The following BNC2 variants were observed in gnomAD, a reference collection of about 807,000 sequenced individuals.
BNC2 encodes the protein zinc finger protein basonuclin-2.
BNC2 carries 20 observed loss-of-function variants against 76.3 expected under a neutral mutation model. The ratio of observed to expected loss-of-function variants is 0.26; its 90% CI spans 0.18 to 0.38. The LOEUF (loss-of-function observed/expected upper bound fraction) is 0.38. BNC2 is among the 10% of genes least tolerant of loss of function. The probability of loss-of-function intolerance (pLI) is 1.00; values close to 1 mark genes in which losing one functional copy is unlikely to be tolerated. For missense variants in BNC2, 1,382 were observed against 1,399.8 expected (o/e 0.99, Z 0.20); for synonymous variants, 582 against 514.8 (o/e 1.13, Z -1.77).
intron 1 of BNC2, among the ~76,000 whole-genome samples, chr9:16,768,760 G>A (rs753309474): frequency 2.0e-5 from 3 of 152,088 alleles, no homozygotes; most frequent in Non-Finnish European, 4.4e-5. Flanking sequence ...ATAAACAAAT[G>A]CAAAATTAGG....
intron 1 of BNC2, among the ~76,000 whole-genome samples, chr9:16,778,178 A>G (rs1294515029): frequency 6.6e-6 from 1 of 152,142 alleles, no homozygotes; most frequent in East Asian, 1.9e-4. Flanking sequence ...GAAACTGTAA[A>G]GATACATACA....
chr9:16,776,221 A>G (rs1825964341), intron 1 of BNC2, among the ~76,000 whole-genome samples: 1 of 152,042 alleles, frequency 6.6e-6, no homozygotes, highest in Admixed American at 6.6e-5. Flanking sequence ...GCTCACTGCA[A>G]CCTTCGCCTC....
chr9:16,480,083 C>G (rs1296105146), intron 5 of BNC2, among the ~76,000 whole-genome samples: 1 of 152,202 alleles, frequency 6.6e-6, no homozygotes, highest in Non-Finnish European at 1.5e-5. Flanking sequence ...CAGGTAACAT[C>G]ATTCGATACA....
At chr9:16,755,688 G>A (rs965496764) in intron 1 of BNC2, among the ~76,000 whole-genome samples, 7 of 152,066 alleles carry the variant, frequency 4.6e-5, no homozygotes, top group Admixed American at 3.3e-4. Context: ...CATTTCCGGG[G>A]CAGTGTCTAA....
chr9:16,538,156 A>G (rs926396568), intron 5 of BNC2, among the ~76,000 whole-genome samples: 1 of 152,228 alleles, frequency 6.6e-6, no homozygotes, highest in African/African-American at 2.4e-5. Flanking sequence ...AAGACAAAGC[A>G]GATGGTACTG....
intron 1 of BNC2, among the ~76,000 whole-genome samples, chr9:16,769,102 T>C (rs1319549304): frequency 6.6e-6 from 1 of 152,204 alleles, no homozygotes; most frequent in African/African-American, 2.4e-5. Flanking sequence ...AATAGGACCC[T>C]GGAAAAGCAT....
intron 3 of BNC2, among the ~76,000 whole-genome samples, chr9:16,634,714 G>A (rs1404708252): frequency 6.6e-6 from 1 of 151,892 alleles, no homozygotes. Context: ...TGTTAGCCAG[G>A]ATGGTCTCGA....
intron 5 of BNC2, among the ~76,000 whole-genome samples, chr9:16,505,941 G>T (rs1376251476): frequency 6.6e-6 from 1 of 152,106 alleles, no homozygotes; most frequent in Non-Finnish European, 1.5e-5. Context: ...AAAAATTCTG[G>T]AGTACAGCAA....
intron 5 of BNC2, among the ~76,000 whole-genome samples, chr9:16,455,215 T>G (rs945995241): frequency 4.6e-5 from 7 of 152,188 alleles, no homozygotes; most frequent in Non-Finnish European, 1.0e-4. Flanking sequence ...AATATGTAGT[T>G]GAGTCCTGGC....
At chr9:16,656,087 T>C (rs903056059) in intron 3 of BNC2, among the ~76,000 whole-genome samples, 3 of 152,216 alleles carry the variant, frequency 2.0e-5, no homozygotes, top group Non-Finnish European at 2.9e-5. Context: ...GGAGGACAGT[T>C]ACTGGTAGCT....
chr9:16,742,383 C>A (rs369099904), intron 1 of BNC2, among the ~76,000 whole-genome samples: 1 of 152,232 alleles, frequency 6.6e-6, no homozygotes, highest in African/African-American at 2.4e-5. Context: ...CAAAGTCACA[C>A]CAGCTTTCTG....
chr9:16,522,735 G>C (rs1482423649), intron 5 of BNC2, among the ~76,000 whole-genome samples: 1 of 152,110 alleles, frequency 6.6e-6, no homozygotes, highest in African/African-American at 2.4e-5. Flanking sequence ...AGGCAACTAA[G>C]TCACAGAAGA....
At chr9:16,464,094 C>CAAAAAAAA (rs1324549679) in intron 5 of BNC2, among the ~76,000 whole-genome samples, 6 of 34,620 alleles carry the variant, frequency 1.7e-4, no homozygotes, top group Middle Eastern at 0.02. Context: ...ACCCTGTCTC[C>CAAAAAAAA]AAAAAAAAAA....
chr9:16,568,718 T>C (rs570160718), intron 4 of BNC2, among the ~76,000 whole-genome samples: 3 of 152,242 alleles, frequency 2.0e-5, no homozygotes, highest in Admixed American at 1.3e-4. Context: ...GCCTTAACAC[T>C]TGGGGAGAAC....
chr9:16,611,690 A>G (rs932639601), intron 3 of BNC2, among the ~76,000 whole-genome samples: 2 of 152,196 alleles, frequency 1.3e-5, no homozygotes, highest in Admixed American at 6.5e-5. Flanking sequence ...CAGCCATGAA[A>G]ATAATAACTT....
chr9:16,609,830 C>T (rs900614757), intron 3 of BNC2, among the ~76,000 whole-genome samples: 3 of 152,110 alleles, frequency 2.0e-5, no homozygotes, highest in Admixed American at 6.5e-5. Flanking sequence ...CCCTTACCTG[C>T]CCTTCTTACC....
At position 16,773,247 on chromosome 9, in the gene BNC2, G is replaced by A. The variant is rs908547496; in HGVS notation, c.4-34762C>T. 3.9e-5 allele frequency among the ~76,000 whole-genome samples: 6 copies of A among 152,284 alleles called. No homozygotes were observed. In the South Asian group the frequency reaches 6.2e-4, roughly 16 times the overall value. ...AAGCTACTGAACTCCAGATCATACA[G>A]TGAGTTGAATGTGGCAGTGTCATAT... On this transcript the variant is annotated intron_variant, in intron 1 of 6. Coordinates refer to ENST00000380672, the MANE Select transcript of BNC2 (RefSeq NM_017637.6).
intron 3 of BNC2, among the ~76,000 whole-genome samples, chr9:16,666,533 T>C (rs1018731559): frequency 6.6e-6 from 1 of 152,184 alleles, no homozygotes; most frequent in Non-Finnish European, 1.5e-5. Flanking sequence ...AATGCTACAA[T>C]GCAACTGACA....
At chr9:16,532,156 G>T (rs1817996480) in intron 5 of BNC2, among the ~76,000 whole-genome samples, 1 of 150,722 alleles carries the variant, frequency 6.6e-6, no homozygotes, top group Non-Finnish European at 1.5e-5. Flanking sequence ...GTGGCATTAG[G>T]AAGCACTGAC....
Sources: allele counts gnomAD v4.1 joint callset (sites outside exome capture counted in the v4.1 genomes callset), GRCh38; gene constraint gnomAD v4.1.1; transcripts MANE v1.5; gene names NCBI Gene and HGNC (gene_info 2026-07-23, HGNC 2026-07-21).